The following RAD18 variants were observed in gnomAD, a reference collection of about 807,000 sequenced individuals.
RAD18 encodes the protein RAD18 E3 ubiquitin protein ligase, also known as E3 ubiquitin-protein ligase RAD18.
A neutral mutation model predicts 60.4 loss-of-function variants in RAD18; 47 were observed. That is an observed-to-expected ratio of 0.78 (90% CI 0.62 to 0.99). The LOEUF is 0.99. RAD18 is among the 50% of genes least tolerant of loss of function. The pLI is 0.00. For synonymous variants in RAD18, 225 were observed against 195.5 expected (o/e 1.15, Z -1.26); for missense variants, 640 against 593.3 (o/e 1.08, Z -0.82).
chr3:8,951,811 G>A (rs549907416), intron 2 of RAD18, among the ~76,000 whole-genome samples: 6 of 152,196 alleles, frequency 3.9e-5, no homozygotes, highest in Non-Finnish European at 5.9e-5. Context: ...TTAAACAACA[G>A]AAATTGTTTT....
intron 8 of RAD18, 103 bp downstream of exon 8, chr3:8,913,541 G>T: frequency 1.3e-6 from 1 of 769,278 alleles, no homozygotes; most frequent in South Asian, 2.5e-5. Flanking sequence ...AAGTGGAAAT[G>T]TGTTAGTAAA....
intron 2 of RAD18, among the ~76,000 whole-genome samples, chr3:8,955,663 A>G (rs1272833184): frequency 1.3e-5 from 2 of 152,206 alleles, no homozygotes; most frequent in Non-Finnish European, 2.9e-5. Context: ...GCTTACAGCA[A>G]CTCTGGAGAA....
chr3:8,882,029 A>G (rs955181461), intron 12 of RAD18, among the ~76,000 whole-genome samples: 1 of 152,302 alleles, frequency 6.6e-6, no homozygotes, highest in Non-Finnish European at 1.5e-5. Flanking sequence ...GTCTGCACAC[A>G]CTTGCCAGCT....
intron 11 of RAD18, among the ~76,000 whole-genome samples, chr3:8,892,273 G>C (rs907008447): frequency 6.6e-6 from 1 of 152,180 alleles, no homozygotes; most frequent in Non-Finnish European, 1.5e-5. Context: ...GCTTCAAGAA[G>C]CTGGATGAAT....
chr3:8,881,270 G>T lies in RAD18; in HGVS notation c.*87C>A. The T allele has an allele frequency of 1.9e-6, 2 of 1,038,494 alleles. No individual in the cohort carries two copies. Among genetic ancestry groups the T allele is most frequent in the Non-Finnish European group, 2.9e-6 (2 of 691,048 alleles). 64.3% of individuals were successfully genotyped at this position (1,038,494 alleles called of 1,614,324 possible). A position where few individuals can be genotyped will look rare whatever the true frequency, so the allele number is the denominator to read the frequency against. ...TATTTAGAATTTAGCATCTTTCCTT[G>T]GGCATTTATAAATAGAAAATCTATC... On this transcript the variant is annotated 3_prime_UTR_variant, in exon 13 of 13. Coordinates refer to ENST00000264926, the MANE Select transcript of RAD18 (RefSeq NM_020165.4).
chr3:8,934,937 C>T (rs1256230930), intron 7 of RAD18, among the ~76,000 whole-genome samples: 1 of 152,040 alleles, frequency 6.6e-6, no homozygotes, highest in Non-Finnish European at 1.5e-5. Context: ...TATAATGTTG[C>T]ACAAATGAGG....
intron 7 of RAD18, among the ~76,000 whole-genome samples, chr3:8,931,841 T>G (rs1940558258): frequency 6.6e-6 from 1 of 152,236 alleles, no homozygotes; most frequent in South Asian, 2.1e-4. Context: ...TAGATTCACA[T>G]GCTATATACA....
chr3:8,898,270 C>T (rs1939829509), intron 11 of RAD18, among the ~76,000 whole-genome samples: 1 of 151,906 alleles, frequency 6.6e-6, no homozygotes, highest in Admixed American at 6.6e-5. Flanking sequence ...TATGTTGGTG[C>T]AAAAGTAACT....
chr3:8,924,129 G>C (rs1314922627), intron 7 of RAD18, among the ~76,000 whole-genome samples: 1 of 151,870 alleles, frequency 6.6e-6, no homozygotes, highest in African/African-American at 2.4e-5. Context: ...ATTGGATAAA[G>C]AGTCAAGACC....
intron 7 of RAD18, among the ~76,000 whole-genome samples, chr3:8,914,490 G>A (rs949749587): frequency 3.3e-5 from 5 of 152,076 alleles, no homozygotes; most frequent in Non-Finnish European, 5.9e-5. Flanking sequence ...AGGCATATGG[G>A]GAAATCAGTA....
intron 9 of RAD18, among the ~76,000 whole-genome samples, chr3:8,908,227 G>A (rs1312027377): frequency 6.6e-6 from 1 of 151,922 alleles, no homozygotes; most frequent in Non-Finnish European, 1.5e-5. Context: ...CAGAGAGCAA[G>A]AGGCTCTTCC....
intron 4 of RAD18, 56 bp from the exon 5 acceptor site, chr3:8,941,860 T>C (rs1940753457): frequency 2.1e-6 from 3 of 1,442,244 alleles, no homozygotes; most frequent in Non-Finnish European, 2.9e-6. Context: ...ACATCATAAA[T>C]TAACTGACAT....
intron 9 of RAD18, among the ~76,000 whole-genome samples, chr3:8,906,686 C>T (rs144777375): frequency 3.4e-5 from 4 of 116,200 alleles, no homozygotes; most frequent in African/African-American, 7.9e-5. Flanking sequence ...ACATTCACCT[C>T]GTTTTCTAGA....
chr3:8,915,709 G>A (rs553858200), intron 7 of RAD18, among the ~76,000 whole-genome samples: 4 of 151,320 alleles, frequency 2.6e-5, no homozygotes, highest in East Asian at 2.0e-4. Context: ...TCAGCCTCCC[G>A]AGTAGCTGGG....
At chr3:8,946,062 GC>G (rs919714645) in intron 4 of RAD18, among the ~76,000 whole-genome samples, 1 of 45,068 alleles carries the variant, frequency 2.2e-5, no homozygotes, top group African/African-American at 1.1e-4. Flanking sequence ...TATGGTAAGG[GC>G]CTTAGGCCTT....
At chr3:8,908,729 T>A (rs1238442094) in intron 9 of RAD18, among the ~76,000 whole-genome samples, 1 of 152,228 alleles carries the variant, frequency 6.6e-6, no homozygotes, top group Admixed American at 6.5e-5. Flanking sequence ...AAATAAGTAA[T>A]TAATTGCACA....
At chr3:8,934,453 T>G (rs1940616523) in intron 7 of RAD18, among the ~76,000 whole-genome samples, 1 of 152,178 alleles carries the variant, frequency 6.6e-6, no homozygotes, top group Admixed American at 6.5e-5. Context: ...AAACAGGTAT[T>G]TCACTACAGA....
intron 11 of RAD18, among the ~76,000 whole-genome samples, chr3:8,894,645 C>T (rs1575534378): frequency 6.6e-6 from 1 of 151,858 alleles, no homozygotes; most frequent in African/African-American, 2.4e-5. Flanking sequence ...AGGAGTCATA[C>T]ACATTTCAAG....
intron 5 of RAD18, 71 bp from the exon 6 acceptor site, chr3:8,939,724 CT>C: frequency 7.9e-7 from 1 of 1,270,570 alleles, no homozygotes; most frequent in Non-Finnish European, 1.1e-6. Flanking sequence ...AAACTGGCAT[CT>C]TTTCAGCAAG....
Sources: gnomAD v4.1 joint callset for allele counts (sites outside exome capture counted in the v4.1 genomes callset) on GRCh38, gnomAD v4.1.1 for gene constraint, MANE v1.5 for transcripts, NCBI Gene and HGNC (gene_info 2026-07-23, HGNC 2026-07-21) for gene names.